The following ASB14 variants were observed in gnomAD, a reference collection of about 807,000 sequenced individuals.
ASB14 encodes the protein ankyrin repeat and SOCS box protein 14.
Under a neutral mutation model 55.6 loss-of-function variants are expected in ASB14, and 63 were observed. The ratio of observed to expected loss-of-function variants is 1.13; its 90% confidence interval spans 0.92 to 1.40. ASB14 has a LOEUF of 1.40. ASB14 is among the 40% of genes most tolerant of loss of function. ASB14 has a pLI of 0.00. For synonymous variants in ASB14, 256 were observed against 259.9 expected (o/e 0.98, Z 0.15); for missense variants, 724 against 710.4 (o/e 1.02, Z -0.22).
chr3:57,284,407 G>C (rs1282666908), intron 5 of ASB14, among the ~76,000 whole-genome samples: 1 of 152,170 alleles, frequency 6.6e-6, no homozygotes, highest in Non-Finnish European at 1.5e-5. Context: ...GGGATTACTG[G>C]CGTGAGCCAC....
At chr3:57,270,771 G>A (rs1033608288) in intron 10 of ASB14, 1 of 152,208 alleles carries the variant, frequency 6.6e-6, no homozygotes, top group Admixed American at 6.5e-5. Flanking sequence ...AGAATAATTT[G>A]CACTAATTAT....
At chr3:57,274,177 G>T (rs536283716) in intron 10 of ASB14, among the ~76,000 whole-genome samples, 1 of 152,170 alleles carries the variant, frequency 6.6e-6, no homozygotes, top group South Asian at 2.1e-4. Context: ...AAATCATATA[G>T]CTTCAGTTTC....
intron 10 of ASB14, among the ~76,000 whole-genome samples, chr3:57,273,917 T>G (rs1178287707): frequency 6.6e-6 from 1 of 152,202 alleles, no homozygotes; most frequent in Non-Finnish European, 1.5e-5. Flanking sequence ...ATATATACTT[T>G]TAGAAGGTAC....
At chr3:57,290,310 ACT>A (rs896771409) in intron 2 of ASB14, among the ~76,000 whole-genome samples, 2 of 151,816 alleles carry the variant, frequency 1.3e-5, no homozygotes, top group Admixed American at 6.6e-5. Context: ...TGGCTGGTGG[ACT>A]CTCTGCCTCC....
intron 2 of ASB14, among the ~76,000 whole-genome samples, chr3:57,290,047 A>C (rs1460534190): frequency 6.6e-6 from 1 of 152,204 alleles, no homozygotes; most frequent in African/African-American, 2.4e-5. Flanking sequence ...TATCTTAAAC[A>C]TTTAAACCTG....
Position 57,269,363 on chromosome 3 carries a change from C to T in ASB14, c.*278G>A. The T allele has an allele frequency of 1.9e-6, 1 of 536,468 alleles. No individual in the cohort carries two copies. Among genetic ancestry groups the T allele is most frequent in the South Asian group, 4.1e-5 (1 of 24,634 alleles). 33.2% of individuals were successfully genotyped at this position (536,468 alleles called of 1,614,324 possible). On this transcript the variant is annotated 3_prime_UTR_variant, in exon 11 of 11. Transcript: ENST00000487349. ...GAATGCTGGCTTTTATAGGATGGTG[C>T]CAAAATTCATTTTGGTGTTGTATTG...
At chr3:57,269,730 T>C in intron 10 of ASB14, 112 bp from the exon 11 acceptor site, 2 of 1,598,938 alleles carry the variant, frequency 1.3e-6, no homozygotes, top group Non-Finnish European at 1.7e-6. Flanking sequence ...ATTTGACAGT[T>C]TCTATGGTGA....
rs183912773 is a variant in ASB14 at position 57,286,912 on chromosome 3, T to C, written c.469+989A>G. Among the ~76,000 whole-genome samples, 3 of 152,326 alleles carry C rather than the reference T, an allele frequency of 2.0e-5. No individual in the cohort carries two copies. The East Asian group carries it at 5.8e-4, about 29-fold the overall frequency. ...CACTTCTTTCCTATTTTCCATTTCT[T>C]ATTTTCTTCTTCTGGAAGCTTTCCT... On this transcript the variant is annotated intron_variant, in intron 5 of 10. Transcript: ENST00000487349.
At chr3:57,288,859 C>T (rs1486276809) in intron 3 of ASB14, 6 of 396,392 alleles carry the variant, frequency 1.5e-5, no homozygotes, top group East Asian at 5.2e-5. Flanking sequence ...GGATTACAGG[C>T]GCCCGCCACC....
At chr3:57,284,057 T>TA (rs1208269966) in intron 5 of ASB14, among the ~76,000 whole-genome samples, 15 of 143,846 alleles carry the variant, frequency 1.0e-4, no homozygotes, top group African/African-American at 3.3e-4. Flanking sequence ...ATTTTGTAGT[T>TA]AAAAAAATAA....
At chr3:57,282,247 T>G (rs2061046207) in intron 6 of ASB14, among the ~76,000 whole-genome samples, 2 of 152,226 alleles carry the variant, frequency 1.3e-5, no homozygotes, top group African/African-American at 4.8e-5. Context: ...TGTTTTTAAA[T>G]ATGAGTCTCT....
At chr3:57,284,796 A>T (rs2061067758) in intron 5 of ASB14, among the ~76,000 whole-genome samples, 1 of 152,182 alleles carries the variant, frequency 6.6e-6, no homozygotes, top group Admixed American at 6.5e-5. Context: ...TTTATGGTTT[A>T]TGCGTGCTTT....
At chr3:57,288,464 A>T (rs1452774293) in intron 3 of ASB14, among the ~76,000 whole-genome samples, 178 bp from the exon 4 acceptor site, 2 of 152,184 alleles carry the variant, frequency 1.3e-5, no homozygotes, top group Admixed American at 1.3e-4. Flanking sequence ...AGCGTTCCGC[A>T]CCTGGGCATG....
At chr3:57,285,204 G>T (rs2061072156) in intron 5 of ASB14, among the ~76,000 whole-genome samples, 1 of 152,032 alleles carries the variant, frequency 6.6e-6, no homozygotes, top group African/African-American at 2.4e-5. Context: ...GCCTCCCAAA[G>T]TGCTGGGATT....
chr3:57,274,198 ACTAT>A (rs1200970504), intron 10 of ASB14, among the ~76,000 whole-genome samples: 1 of 152,204 alleles, frequency 6.6e-6, no homozygotes, highest in Non-Finnish European at 1.5e-5. Context: ...CCTAGAATGG[ACTAT>A]CTAATTCTTT....
intron 3 of ASB14, 66 bp from the exon 4 acceptor site, chr3:57,288,352 C>T (rs571209712): frequency 2.0e-6 from 3 of 1,479,440 alleles, no homozygotes; most frequent in African/African-American, 1.4e-5. Flanking sequence ...CATATTGCTT[C>T]CTGAATTCTA....
chr3:57,276,564 T>G lies in ASB14; in HGVS notation c.1750A>C (p.Thr584Pro), dbSNP rs1381641122. ...GAATGGTTTGATTACCAGGTTCCTGTAAAAATTCCTTGTCCATAAAGGTCG... is the reference window on the plus strand; with the variant it reads ...GAATGGTTTGATTACCAGGTTCCTGGAAAAATTCCTTGTCCATAAAGGTCG... ...EYDLYGQGIFTGTW is the reference protein window; with the variant it reads ...EYDLYGQGIFPGTW Residue 584 changes from threonine to proline, a missense_variant, in exon 10 of 11, where the codon ACA (threonine) becomes CCA (proline). Transcript: ENST00000487349. 2 of 1,608,668 alleles carry G rather than the reference T, an allele frequency of 1.2e-6. No individual in the cohort carries two copies. The highest frequency in any genetic ancestry group is 1.7e-5 in the Admixed American group (1 of 59,202).
intron 2 of ASB14, among the ~76,000 whole-genome samples, chr3:57,290,933 GCA>G (rs2061123341): frequency 6.6e-6 from 1 of 152,170 alleles, no homozygotes; most frequent in Non-Finnish European, 1.5e-5. Context: ...GTGGCTAAGA[GCA>G]CAGACTTTAG....
At chr3:57,291,537 T>G (rs2061130189) in intron 2 of ASB14, among the ~76,000 whole-genome samples, 1 of 152,192 alleles carries the variant, frequency 6.6e-6, no homozygotes, top group Admixed American at 6.5e-5. Flanking sequence ...CCACCTACCC[T>G]ACTAAGGTTG....
Sources: gnomAD v4.1 joint callset for allele counts (sites outside exome capture counted in the v4.1 genomes callset) on GRCh38, gnomAD v4.1.1 for gene constraint, MANE v1.5 for transcripts, NCBI Gene and HGNC (gene_info 2026-07-23, HGNC 2026-07-21) for gene names.